The following NEBL variants were observed in gnomAD, a reference collection of about 807,000 sequenced individuals.
NEBL encodes nebulette, also known as LIM and SH3 protein 2.
In NEBL, 122 loss-of-function variants were observed where a neutral mutation model predicts 140.2. The ratio of observed to expected loss-of-function variants is 0.87; its 90% CI spans 0.75 to 1.01. The LOEUF (loss-of-function observed/expected upper bound fraction) is 1.01. Ranked by LOEUF, NEBL falls within the 50% of genes least tolerant of loss-of-function variation. The pLI, the probability that NEBL is intolerant of heterozygous loss-of-function variation, is 0.00. For missense variants in NEBL, 1,365 were observed against 1,231.3 expected, an observed-to-expected ratio of 1.11 and a Z score of -1.62; for synonymous variants, 436 against 398.9, an observed-to-expected ratio of 1.09 and a Z score of -1.11.
intron 3 of NEBL, among the ~76,000 whole-genome samples, chr10:21,188,641 C>T (rs1841519047): frequency 6.8e-6 from 1 of 148,056 alleles, no homozygotes; most frequent in Admixed American, 6.8e-5. Flanking sequence ...GCTGTTTTCG[C>T]CCAGGCTGGA....
upstream of NEBL, among the ~76,000 whole-genome samples, chr10:20,900,621 C>T (rs1004777511): frequency 4.7e-5 from 7 of 147,840 alleles, no homozygotes; most frequent in Non-Finnish European, 8.9e-5. Flanking sequence ...CTCAGGAGTT[C>T]GAGACCAGCC....
intron 1 of NEBL, among the ~76,000 whole-genome samples, chr10:21,279,225 G>A (rs1306987299): frequency 6.6e-6 from 1 of 151,580 alleles, no homozygotes; most frequent in East Asian, 1.9e-4. Context: ...ATTTATGGAT[G>A]CCAAGATTTG....
chr10:21,264,000 T>C (rs922381320), intron 1 of NEBL, among the ~76,000 whole-genome samples: 7 of 152,090 alleles, frequency 4.6e-5, no homozygotes, highest in Non-Finnish European at 8.8e-5. Context: ...AACCAAAAGA[T>C]ATCACCATGG....
chr10:21,242,978 G>C (rs1026054215), intron 3 of NEBL, among the ~76,000 whole-genome samples: 13 of 152,100 alleles, frequency 8.5e-5, no homozygotes, highest in Non-Finnish European at 1.6e-4. Flanking sequence ...TGGGTGGCAG[G>C]GTTTTGGGTA....
At chr10:21,030,944 A>G (rs1833752987) in intron 2 of NEBL, among the ~76,000 whole-genome samples, 1 of 152,250 alleles carries the variant, frequency 6.6e-6, no homozygotes, top group Non-Finnish European at 1.5e-5. Flanking sequence ...AATTACCATT[A>G]GGACACACCG....
At chr10:21,129,546 C>T (rs1055798229) in intron 2 of NEBL, among the ~76,000 whole-genome samples, 4 of 151,912 alleles carry the variant, frequency 2.6e-5, no homozygotes, top group African/African-American at 4.8e-5. Context: ...CAGGCACACT[C>T]ATATATGCTT....
chr10:21,138,017 G>A (rs2132087504), intron 2 of NEBL, among the ~76,000 whole-genome samples: 1 of 151,914 alleles, frequency 6.6e-6, no homozygotes, highest in African/African-American at 2.4e-5. Context: ...AGCCCAGCAT[G>A]CTGCGAATGG....
At chr10:20,903,459 C>G (rs7922734) in intron 4 of NEBL, among the ~76,000 whole-genome samples, 27,119 of 152,002 alleles carry the variant, frequency 0.18, 3,655 homozygotes, top group African/African-American at 0.37. Context: ...CAATATGAAG[C>G]TTTTTTAAAG....
intron 4 of NEBL, among the ~76,000 whole-genome samples, chr10:20,944,644 G>C (rs1305537184): frequency 6.6e-6 from 1 of 152,182 alleles, no homozygotes; most frequent in Non-Finnish European, 1.5e-5. Flanking sequence ...TCTGAGACTA[G>C]CTATCCCAGG....
intron 3 of NEBL, among the ~76,000 whole-genome samples, chr10:21,224,763 C>G (rs11012591): frequency 0.27 from 41,487 of 151,720 alleles, 10,215 homozygotes; most frequent in African/African-American, 0.67. Flanking sequence ...TAATTTGTAG[C>G]TGTTATAAGT....
chr10:20,846,430 A>T lies in NEBL; in HGVS notation c.1117-1062T>A, dbSNP rs368855990. On this transcript the variant is annotated intron_variant, in intron 11 of 27. Transcript: ENST00000377122. ...AACCATGAAGGAGAATAAGAGAAGC[A>T]TGCTGTCTCCTCACTTAGCACATGT... 1.0e-3 allele frequency among the ~76,000 whole-genome samples: 155 copies of T among 152,306 alleles called. 5 individuals are homozygous for T. In the South Asian group the frequency reaches 0.031, roughly 31 times the overall value.
chr10:21,275,405 C>T (rs777469055), intron 1 of NEBL, among the ~76,000 whole-genome samples: 2 of 152,204 alleles, frequency 1.3e-5, no homozygotes, highest in African/African-American at 2.4e-5. Context: ...GCTTCCAGAC[C>T]TTAAGTGGGA....
chr10:20,838,867 T>C (rs1451655858), intron 13 of NEBL, among the ~76,000 whole-genome samples: 1 of 152,162 alleles, frequency 6.6e-6, no homozygotes, highest in Non-Finnish European at 1.5e-5. Flanking sequence ...TACTTTAAAT[T>C]AAGATATGGA....
chr10:20,950,133 T>C (rs918965877), intron 4 of NEBL, among the ~76,000 whole-genome samples: 2 of 152,226 alleles, frequency 1.3e-5, no homozygotes, highest in Non-Finnish European at 2.9e-5. Flanking sequence ...TCTAACATTG[T>C]CTGCTGCCTG....
chr10:20,836,315 T>C (rs1840883518), intron 13 of NEBL, among the ~76,000 whole-genome samples: 1 of 152,096 alleles, frequency 6.6e-6, no homozygotes, highest in Non-Finnish European at 1.5e-5. Flanking sequence ...TTGTGCCTCC[T>C]GGGTTCAAGC....
Position 21,034,064 on chromosome 10 carries a change from G to T in NEBL, c.165-13863C>A, listed in dbSNP as rs145338854. 6.0e-3 allele frequency among the ~76,000 whole-genome samples: 910 copies of T among 151,032 alleles called. 9 individuals are homozygous for T. The highest frequency in any genetic ancestry group is 0.021 in the African/African-American group (853 of 41,190). ...CACCTGTAGTCTCAGCTACTAGGGG[G>T]GCTGAGGTGGAAGGATTGCTTGAGC... On this transcript the variant is annotated intron_variant, in intron 2 of 6. Transcript: ENST00000417816.
chr10:21,132,749 C>T (rs1304311944), intron 2 of NEBL, among the ~76,000 whole-genome samples: 1 of 152,156 alleles, frequency 6.6e-6, no homozygotes, highest in Non-Finnish European at 1.5e-5. Flanking sequence ...ACCAGGCCTT[C>T]TTTCATGTGT....
At chr10:21,216,945 G>A (rs1277303442) in intron 3 of NEBL, among the ~76,000 whole-genome samples, 8 of 151,244 alleles carry the variant, frequency 5.3e-5, no homozygotes, top group Non-Finnish European at 8.8e-5. Flanking sequence ...CCAAGATCGC[G>A]CCACTGCACT....
At position 20,889,895 on chromosome 10, in the gene NEBL, C is replaced by T; in HGVS notation, c.208G>A (p.Asp70Asn). The change falls in exon 3 of 28, where the codon GAC (aspartate) becomes AAC (asparagine). Residue 70 changes from aspartate to asparagine, a missense_variant. By Grantham distance (23) the Asp-to-Asn change is conservative. Around this residue, in one of 2 missense-constraint regions of NEBL, gnomAD observed 1,323 missense variants for 1,154.8 expected, o/e 1.15. Transcript: ENST00000377122. Reference protein sequence around the residue: ...KSKDKCTFVTDSPMLNHVKNI... With the variant: ...KSKDKCTFVTNSPMLNHVKNI... ...TTTACATGGTTTAGCATAGGACTGTCAGTCACAAATGTACACTTATCCTTG... is the reference window on the plus strand; with the variant it reads ...TTTACATGGTTTAGCATAGGACTGTTAGTCACAAATGTACACTTATCCTTG... The T allele has an allele frequency of 6.2e-7, 1 of 1,613,060 alleles. No individual in the cohort carries two copies. Among genetic ancestry groups the T allele is most frequent in the South Asian group, 1.1e-5 (1 of 90,954 alleles).
Sources: gnomAD v4.1 joint callset for allele counts (sites outside exome capture counted in the v4.1 genomes callset) on GRCh38, gnomAD v4.1.1 for gene constraint, gnomAD v4.1.1 regional missense constraint, MANE v1.5 for transcripts, NCBI Gene and HGNC (gene_info 2026-07-23, HGNC 2026-07-21) for gene names.